The following FTCDNL1 variants were observed in gnomAD, a reference collection of about 807,000 sequenced individuals.
FTCDNL1 encodes formiminotransferase N-terminal subdomain-containing protein.
In FTCDNL1, 11 loss-of-function variants were observed where a neutral mutation model predicts 5.9. That is an observed-to-expected ratio of 1.87 (90% CI 1.18 to 3.10). FTCDNL1 has a LOEUF of 3.10. FTCDNL1 is among the 30% of genes most tolerant of loss of function. FTCDNL1 has a pLI of 0.00. For synonymous variants in FTCDNL1, 58 were observed against 24.8 expected, an observed-to-expected ratio of 2.34 and a Z score of -3.99; for missense variants, 115 against 65.5, an observed-to-expected ratio of 1.76 and a Z score of -2.61.
chr2:199,724,841 G>A, the FTCDNL1 span, among the ~76,000 whole-genome samples: 3 of 152,016 alleles, frequency 2.0e-5, no homozygotes, highest in South Asian at 6.2e-4. Context: ...ATGTAGCACC[G>A]AGAAGAATGT....
At chr2:199,698,617 A>G in the FTCDNL1 span, among the ~76,000 whole-genome samples, 1 of 152,236 alleles carries the variant, frequency 6.6e-6, no homozygotes, top group African/African-American at 2.4e-5. Flanking sequence ...TCTGGGACAC[A>G]GCTAAAGCAG....
the FTCDNL1 span, among the ~76,000 whole-genome samples, chr2:199,738,170 A>C: frequency 6.6e-6 from 1 of 152,196 alleles, no homozygotes; most frequent in Non-Finnish European, 1.5e-5. Context: ...GATACCATAC[A>C]CTGAAAGAAA....
the FTCDNL1 span, among the ~76,000 whole-genome samples, chr2:199,670,117 CCTA>C: frequency 6.6e-6 from 1 of 152,178 alleles, no homozygotes; most frequent in African/African-American, 2.4e-5. Context: ...TTACTATATT[CCTA>C]CTGTTTTCCT....
chr2:199,748,631 C>A, the FTCDNL1 span, among the ~76,000 whole-genome samples: 511 of 152,230 alleles, frequency 3.4e-3, 5 homozygotes, highest in African/African-American at 0.012. Flanking sequence ...TGAGACAGTC[C>A]GTTATCTATA....
At chr2:199,832,768 A>G (rs574618399) in intron 3 of FTCDNL1, among the ~76,000 whole-genome samples, 1 of 152,138 alleles carries the variant, frequency 6.6e-6, no homozygotes, top group Non-Finnish European at 1.5e-5. Flanking sequence ...AAAAATAATG[A>G]CAGCCGGTAG....
intron 3 of FTCDNL1, chr2:199,844,392 C>T (rs2076674156): frequency 5.0e-6 from 3 of 598,342 alleles, no homozygotes; most frequent in Admixed American, 2.6e-5. Context: ...CTGGCCACCA[C>T]TCCACACTAT....
At chr2:199,739,358 G>A in the FTCDNL1 span, among the ~76,000 whole-genome samples, 5 of 152,294 alleles carry the variant, frequency 3.3e-5, no homozygotes, top group Non-Finnish European at 2.9e-5. Context: ...TGTGTGCTGC[G>A]AATTTTTTAT....
the FTCDNL1 span, among the ~76,000 whole-genome samples, chr2:199,676,771 T>C: frequency 6.6e-6 from 1 of 152,108 alleles, no homozygotes; most frequent in Non-Finnish European, 1.5e-5. Context: ...AACCAAAACC[T>C]AACAAAGAAG....
chr2:199,668,080 T>C, the FTCDNL1 span, among the ~76,000 whole-genome samples: 52 of 152,340 alleles, frequency 3.4e-4, no homozygotes, highest in African/African-American at 1.1e-3. Flanking sequence ...CTTAGAACTC[T>C]TGGGCTTTGC....
chr2:199,847,502 T>A (rs2076763026), intron 2 of FTCDNL1, among the ~76,000 whole-genome samples: 1 of 152,212 alleles, frequency 6.6e-6, no homozygotes, highest in Non-Finnish European at 1.5e-5. Flanking sequence ...TTGAATCAAA[T>A]GCTGAAAGAA....
At chr2:199,842,263 A>G (rs1395081395) in intron 3 of FTCDNL1, among the ~76,000 whole-genome samples, 2 of 152,062 alleles carry the variant, frequency 1.3e-5, no homozygotes, top group African/African-American at 4.8e-5. Flanking sequence ...GCAAGACTCC[A>G]TCTCAAAAAA....
At chr2:199,829,450 C>T (rs1388594133) in intron 3 of FTCDNL1, among the ~76,000 whole-genome samples, 2 of 152,064 alleles carry the variant, frequency 1.3e-5, no homozygotes, top group East Asian at 3.8e-4. Flanking sequence ...GGTTATATTC[C>T]TCTTTGCAGG....
the FTCDNL1 span, among the ~76,000 whole-genome samples, chr2:199,708,006 C>A: frequency 1.3e-5 from 2 of 152,002 alleles, no homozygotes; most frequent in Non-Finnish European, 2.9e-5. Context: ...GTAATTTCTA[C>A]AAATATTATT....
intron 3 of FTCDNL1, among the ~76,000 whole-genome samples, chr2:199,777,093 G>C (rs982594949): frequency 1.3e-5 from 2 of 151,812 alleles, no homozygotes; most frequent in African/African-American, 4.8e-5. Flanking sequence ...AGGAGTTCGA[G>C]ACTAGCCTGG....
At position 199,818,358 on chromosome 2, in the gene FTCDNL1, A is replaced by T. The variant is rs1053865455; in HGVS notation, c.397+1214T>A. On this transcript the variant is annotated intron_variant, in intron 4 of 4. Coordinates refer to ENST00000420128, the MANE Select transcript of FTCDNL1 (RefSeq NM_001363886.2). ...TTTTTCTATGACAAAATGTTGAATG[A>T]AATACATTTGTAATATCACTTTTAT... 3.9e-5 allele frequency: 6 copies of T among 152,362 alleles called. 1 individual carries two copies. In the East Asian group the frequency reaches 1.2e-3, roughly 29 times the overall value. The allele number at this position is 152,362 out of a possible 1,614,324, so 9.4% of individuals were successfully genotyped here.
At chr2:199,750,650 G>A in the FTCDNL1 span, among the ~76,000 whole-genome samples, 4 of 152,286 alleles carry the variant, frequency 2.6e-5, no homozygotes, top group East Asian at 5.8e-4. Context: ...GGGAGGAAGC[G>A]TAGAAGCCAA....
the FTCDNL1 span, among the ~76,000 whole-genome samples, chr2:199,687,693 A>G: frequency 6.6e-6 from 1 of 152,134 alleles, no homozygotes. Flanking sequence ...TGATTAAAAA[A>G]ACACAGAAAT....
At chr2:199,830,329 T>C (rs996566247) in intron 3 of FTCDNL1, among the ~76,000 whole-genome samples, 1 of 152,194 alleles carries the variant, frequency 6.6e-6, no homozygotes, top group Non-Finnish European at 1.5e-5. Flanking sequence ...AGAGTGGCAT[T>C]TGAAAATACA....
intron 3 of FTCDNL1, among the ~76,000 whole-genome samples, chr2:199,845,116 A>T (rs919892608): frequency 6.6e-6 from 1 of 152,038 alleles, no homozygotes; most frequent in African/African-American, 2.4e-5. Flanking sequence ...CTTATCCACT[A>T]ATTATATTTT....
Sources: allele counts gnomAD v4.1 joint callset (sites outside exome capture counted in the v4.1 genomes callset), GRCh38; gene constraint gnomAD v4.1.1; transcripts MANE v1.5; gene names NCBI Gene and HGNC (gene_info 2026-07-23, HGNC 2026-07-21).